The following TMED7 variants were observed in gnomAD, a reference collection of about 807,000 sequenced individuals.
TMED7 encodes the protein transmembrane p24 trafficking protein 7, also known as transmembrane emp24 domain-containing protein 7.
In TMED7, 8 loss-of-function variants were observed where a neutral mutation model predicts 23.4. The observed-to-expected ratio is 0.34, with a 90% CI of 0.20 to 0.62. The LOEUF is 0.62. Ranked by LOEUF, TMED7 falls within the 20% of genes least tolerant of loss-of-function variation. The pLI is 0.77. For missense variants in TMED7, 232 were observed against 279.1 expected, an observed-to-expected ratio of 0.83 and a Z score of 1.20; for synonymous variants, 121 against 108.5, an observed-to-expected ratio of 1.12 and a Z score of -0.72.
intron 1 of TMED7, among the ~76,000 whole-genome samples, chr5:115,622,001 G>A (rs539242522): frequency 6.6e-6 from 1 of 152,236 alleles, no homozygotes; most frequent in South Asian, 2.1e-4. Context: ...TTATGAAACT[G>A]TAAAAATATG....
intron 2 of TMED7, among the ~76,000 whole-genome samples, chr5:115,618,697 T>C (rs914537811): frequency 3.3e-5 from 5 of 152,218 alleles, no homozygotes; most frequent in South Asian, 2.1e-4. Flanking sequence ...TCTTACTGCA[T>C]ATTATGATAA....
rs770211596 is a variant in TMED7 at position 115,616,287 on chromosome 5, C to T, written c.597G>A (p.Val199=). ...AAAGAAATACCTGCCCTATGCTAAC[C>T]ACCAGAAGAATGAGGGCTTCTCCTA... ...WSVGEALILL[V]VSIGQVFLLK... is the part of the protein sequence containing the mutation. Residue 199 remains valine, a synonymous_variant, in exon 3 of 3, where the codon GTG becomes GTA. Coordinates refer to ENST00000456936, the MANE Select transcript of TMED7 (RefSeq NM_181836.6). The T allele has an allele frequency of 1.2e-6, 2 of 1,614,138 alleles. No homozygotes were observed. The highest frequency in any genetic ancestry group is 2.2e-5 in the South Asian group (2 of 91,082).
chr5:115,622,862 G>C (rs1580458165), intron 1 of TMED7, among the ~76,000 whole-genome samples: 1 of 152,276 alleles, frequency 6.6e-6, no homozygotes, highest in East Asian at 1.9e-4. Context: ...GAAATTCTCT[G>C]AACAAGTCTT....
At chr5:115,620,214 T>G (rs542835952) in intron 2 of TMED7, 2 of 523,982 alleles carry the variant, frequency 3.8e-6, no homozygotes, top group South Asian at 1.7e-4. Flanking sequence ...TTTTAATGCT[T>G]CTTTCTCTTT....
chr5:115,625,590 G>A lies in TMED7; in HGVS notation c.192+11C>T, dbSNP rs1227125675. 17 of 1,563,924 alleles carry A rather than the reference G, an allele frequency of 1.1e-5. No homozygotes were observed. The highest frequency in any genetic ancestry group is 1.4e-5 in the African/African-American group (1 of 71,338). ...CGAGTTGGGGCCCAGGGACTGCTAG[G>A]CCCCTGATACCTGGAACTCCAGGGT... On this transcript the variant is annotated intron_variant, in intron 1 of 2. Coordinates refer to ENST00000456936, the MANE Select transcript of TMED7 (RefSeq NM_181836.6).
At chr5:115,618,818 G>A (rs999857004) in intron 2 of TMED7, among the ~76,000 whole-genome samples, 2 of 152,178 alleles carry the variant, frequency 1.3e-5, no homozygotes, top group African/African-American at 2.4e-5. Context: ...AGTGACTGCT[G>A]ATCATTGCCT....
rs1247963929 is a variant in TMED7, at chr5:115,616,357, C to T, written c.527G>A (p.Arg176Gln). 3.1e-6 allele frequency: 5 copies of T among 1,614,020 alleles called. No homozygotes were observed. Among genetic ancestry groups the T allele is most frequent in the African/African-American group, 1.3e-5 (1 of 74,934 alleles). ...TGTATTTAGATCCTCTGCTCGGCTT[C>T]GGCCTTGAGCTTCTCTTAAACGGAA... ...THFRLREAQG[R>Q]SRAEDLNTRV... Residue 176 changes from arginine (R) to glutamine (Q), a missense_variant, in exon 3 of 3, where the codon CGA becomes CAA. Arg to Gln is a conservative substitution (Grantham distance 43). Around this residue, in one of 2 missense-constraint regions of TMED7, gnomAD observed 126 missense variants for 182.1 expected, o/e 0.69. Transcript: ENST00000456936.
intron 1 of TMED7, 129 bp downstream of exon 1, chr5:115,625,472 C>G: frequency 9.0e-7 from 1 of 1,114,538 alleles, no homozygotes; most frequent in Non-Finnish European, 1.2e-6. Flanking sequence ...TGGGCATCAG[C>G]TACCTAGAAG....
At position 115,620,424 on chromosome 5, in the gene TMED7, T is replaced by G. The variant is rs1384631954; in HGVS notation, c.438+11A>C. 1 of 1,480,732 alleles carries G rather than the reference T, an allele frequency of 6.8e-7. No individual in the cohort carries two copies. Among genetic ancestry groups the G allele is most frequent in the African/African-American group, 1.4e-5 (1 of 69,608 alleles). 91.7% of individuals were successfully genotyped at this position (1,480,732 alleles called of 1,614,324 possible). ...ATATACCAACATTATATTGCTGATT[T>G]TTTTATTTACCTGGGTAAGAGCACT... On this transcript the variant is annotated intron_variant, in intron 2 of 2. Coordinates refer to ENST00000456936, the MANE Select transcript of TMED7 (RefSeq NM_181836.6).
chr5:115,616,930 A>G (rs1756784796), intron 2 of TMED7, among the ~76,000 whole-genome samples: 1 of 152,200 alleles, frequency 6.6e-6, no homozygotes, highest in African/African-American at 2.4e-5. Flanking sequence ...TGTTTAAAAC[A>G]GCCACAACAT....
At chr5:115,623,493 G>T (rs1757104756) in intron 1 of TMED7, among the ~76,000 whole-genome samples, 1 of 152,142 alleles carries the variant, frequency 6.6e-6, no homozygotes, top group Non-Finnish European at 1.5e-5. Flanking sequence ...CAGTCACAAA[G>T]CTATTATAAT....
At chr5:115,621,043 G>A (rs1007260335) in intron 1 of TMED7, among the ~76,000 whole-genome samples, 19 of 152,106 alleles carry the variant, frequency 1.2e-4, no homozygotes, top group African/African-American at 4.3e-4. Context: ...TCTAAATTAA[G>A]TGGGAAAGGC....
intron 2 of TMED7, chr5:115,620,199 CCTT>C (rs1366042759): frequency 6.9e-6 from 3 of 432,334 alleles, no homozygotes; most frequent in East Asian, 5.2e-5. Context: ...TGATCTTCCT[CCTT>C]ATTTTAATGC....
At chr5:115,625,170 G>A (rs1254677968) in intron 1 of TMED7, among the ~76,000 whole-genome samples, 2 of 152,190 alleles carry the variant, frequency 1.3e-5, no homozygotes, top group Non-Finnish European at 2.9e-5. Flanking sequence ...GACAAGGACC[G>A]TATTAACCAA....
chr5:115,618,971 A>C (rs956175622), intron 2 of TMED7, among the ~76,000 whole-genome samples: 1 of 152,190 alleles, frequency 6.6e-6, no homozygotes, highest in Non-Finnish European at 1.5e-5. Flanking sequence ...GGTAATTTTC[A>C]ATTTTAAAGT....
chr5:115,619,004 T>C (rs1756910975), intron 2 of TMED7: 3 of 152,206 alleles, frequency 2.0e-5, no homozygotes, highest in Non-Finnish European at 4.4e-5. Flanking sequence ...TTTATAATGA[T>C]CCCTATTATA....
At chr5:115,616,609 C>T (rs1405169197) in intron 2 of TMED7, 164 bp from the exon 3 acceptor site, 2 of 1,034,854 alleles carry the variant, frequency 1.9e-6, no homozygotes, top group Non-Finnish European at 2.7e-6. Flanking sequence ...CAATGAAACC[C>T]CCCTGCTCAT....
rs1756990546 is a variant in TMED7 at position 115,620,485 on chromosome 5, C to G, written c.388G>C (p.Glu130Gln). ...KTVYFDFQVG[E>Q]DPPLFPSENR... Reference sequence around the variant, plus strand: ...TCACTAGGAAACAAAGGTGGGTCTTCTCCAACTTGAAAATCAAAATATACA... The same window carrying G: ...TCACTAGGAAACAAAGGTGGGTCTTGTCCAACTTGAAAATCAAAATATACA... Residue 130 changes from glutamate to glutamine, a missense_variant, in exon 2 of 3, where the codon GAA (glutamate) becomes CAA (glutamine). By Grantham distance (29) the Glu-to-Gln change is conservative. Transcript: ENST00000456936. The G allele has an allele frequency of 6.3e-7, 1 of 1,593,334 alleles. No individual in the cohort carries two copies. The highest frequency in any genetic ancestry group is 2.3e-5 in the East Asian group (1 of 43,980).
In TMED7 at chr5:115,616,436, C is replaced by T; in HGVS notation, c.448G>A (p.Ala150Thr). ...RVSALTQMES[A>T]CVSIHEALKS... ...AGAGCTTCGTGAATTGAAACACAGGCAGATTCCATCTGCAGAGAAATATTT... is the reference window on the plus strand; with the variant it reads ...AGAGCTTCGTGAATTGAAACACAGGTAGATTCCATCTGCAGAGAAATATTT... The change falls in exon 3 of 3, where the codon GCC becomes ACC. Residue 150 changes from alanine (A) to threonine (T), a missense_variant. Physicochemically the swap from Ala to Thr is moderately conservative, Grantham distance 58 (BLOSUM62 0). Around this residue, in one of 2 missense-constraint regions of TMED7, gnomAD observed 126 missense variants for 182.1 expected, o/e 0.69. Coordinates refer to ENST00000456936, the MANE Select transcript of TMED7 (RefSeq NM_181836.6). 6.2e-7 allele frequency: 1 copy of T among 1,614,154 alleles called. No individual in the cohort carries two copies. The highest frequency in any genetic ancestry group is 8.5e-7 in the Non-Finnish European group (1 of 1,179,996).
Sources: allele counts gnomAD v4.1 joint callset (sites outside exome capture counted in the v4.1 genomes callset), GRCh38; gene constraint gnomAD v4.1.1; regional missense constraint gnomAD v4.1.1; transcripts MANE v1.5; gene names NCBI Gene and HGNC (gene_info 2026-07-23, HGNC 2026-07-21).